Variants in MAP2K5 observed in about 807,000 individuals in gnomAD.
MAP2K5 encodes the protein dual specificity mitogen-activated protein kinase kinase 5.
In MAP2K5, 49 loss-of-function variants were observed where a neutral mutation model predicts 83.1. The ratio of observed to expected loss-of-function variants is 0.59; its 90% CI spans 0.47 to 0.75. The LOEUF (loss-of-function observed/expected upper bound fraction) is 0.75, where lower values mean the gene tolerates loss of function less well. Ranked by LOEUF, MAP2K5 falls within the 30% of genes least tolerant of loss-of-function variation. The pLI, the probability that MAP2K5 is intolerant of heterozygous loss-of-function variation, is 0.00. For missense variants in MAP2K5, 457 were observed against 557.5 expected (o/e 0.82, Z 1.82); for synonymous variants, 202 against 191.8 (o/e 1.05, Z -0.44).
In MAP2K5 at chr15:67,702,900, C is replaced by T. The variant is rs1167618230; in HGVS notation, c.973-437C>T. Among the ~76,000 whole-genome samples, 1 of 152,114 alleles carries T rather than the reference C, an allele frequency of 6.6e-6. No individual in the cohort carries two copies. Among genetic ancestry groups the T allele is most frequent in the Non-Finnish European group, 1.5e-5 (1 of 68,014 alleles). ...AAAAATTAAAAGAAACCCTCCTGTT[C>T]CAGACCAATCTATCAAAATGCAAAT... On this transcript the variant is annotated intron_variant, in intron 15 of 21. Transcript: ENST00000178640. This position sits in a 1 kb window ranked among gnomAD's most constrained non-coding sequence, Gnocchi z 4.6.
chr15:67,588,539 T>TA (rs1329855642), intron 6 of MAP2K5, among the ~76,000 whole-genome samples: 1 of 152,240 alleles, frequency 6.6e-6, no homozygotes, highest in Admixed American at 6.5e-5. Flanking sequence ...GACTGTAGCA[T>TA]ATTCATTGAC....
At chr15:67,575,644 G>T (rs2085039557) in intron 3 of MAP2K5, among the ~76,000 whole-genome samples, 1 of 152,136 alleles carries the variant, frequency 6.6e-6, no homozygotes, top group South Asian at 2.1e-4. Context: ...TACGTTTTAT[G>T]CCCTGAGTGC....
At chr15:67,609,469 AT>A (rs1478446947) in intron 8 of MAP2K5, among the ~76,000 whole-genome samples, 1 of 148,766 alleles carries the variant, frequency 6.7e-6, no homozygotes, top group African/African-American at 2.6e-5. Context: ...AGGTCTATAG[AT>A]TCTGTAGACC....
chr15:67,748,161 C>G lies in MAP2K5; in HGVS notation c.1075-70C>G, dbSNP rs2089644700. On this transcript the variant is annotated intron_variant, in intron 17 of 21. Transcript: ENST00000178640. This position sits in a 1 kb window ranked among gnomAD's most constrained non-coding sequence, Gnocchi z 4.0. Reference sequence around the variant, plus strand: ...CACCAGCAATGCAATAATTTTCTCTCAGTGATCATAATGTGTCCAAGTGAG... The same window carrying G: ...CACCAGCAATGCAATAATTTTCTCTGAGTGATCATAATGTGTCCAAGTGAG... The G allele has an allele frequency of 9.2e-7, 1 of 1,087,154 alleles. No homozygotes were observed. The highest frequency in any genetic ancestry group is 1.6e-5 in the African/African-American group (1 of 64,204). 67.3% of individuals were successfully genotyped at this position (1,087,154 alleles called of 1,614,324 possible). A position where few individuals can be genotyped will look rare whatever the true frequency, so the allele number is the denominator to read the frequency against.
chr15:67,780,386 G>A lies in MAP2K5; in HGVS notation c.1242+7634G>A, dbSNP rs552038919. Among the ~76,000 whole-genome samples, 1 of 152,224 alleles carries A rather than the reference G, an allele frequency of 6.6e-6. No homozygotes were observed. The highest frequency in any genetic ancestry group is 2.1e-4 in the South Asian group (1 of 4,822). On this transcript the variant is annotated intron_variant, in intron 21 of 21. Transcript: ENST00000178640. The surrounding 1 kb of genome is among the most constrained non-coding windows in gnomAD (Gnocchi z 5.0). Reference sequence around the variant, plus strand: ...ACTAGATTGTAAGTTCCTTGAAGGAGGATCATGATCTTATAATTCAGTGCC... The same window carrying A: ...ACTAGATTGTAAGTTCCTTGAAGGAAGATCATGATCTTATAATTCAGTGCC...
intron 21 of MAP2K5, among the ~76,000 whole-genome samples, chr15:67,796,253 A>G (rs998438499): frequency 1.6e-4 from 24 of 151,946 alleles, no homozygotes; most frequent in African/African-American, 5.3e-4. Context: ...TGTCCATTGT[A>G]TTGCAGTAAG....
chr15:67,692,047 C>T (rs2088126919), intron 13 of MAP2K5, among the ~76,000 whole-genome samples: 1 of 152,128 alleles, frequency 6.6e-6, no homozygotes, highest in Non-Finnish European at 1.5e-5. Flanking sequence ...TTGTTGCCTC[C>T]CTTTGGCATT....
At chr15:67,628,957 AT>A in intron 8 of MAP2K5, 1 of 763,572 alleles carries the variant, frequency 1.3e-6, no homozygotes, top group Non-Finnish European at 2.4e-6. Context: ...AGCTACAATG[AT>A]TTTGGCAATT....
chr15:67,624,589 T>TTGTG (rs71142388), intron 8 of MAP2K5, among the ~76,000 whole-genome samples: 51 of 141,798 alleles, frequency 3.6e-4, no homozygotes, highest in African/African-American at 9.7e-4. Context: ...CACGATCTCT[T>TTGTG]TGTGTGTGTG....
intron 2 of MAP2K5, among the ~76,000 whole-genome samples, chr15:67,553,864 G>C (rs2084564618): frequency 8.0e-6 from 1 of 124,664 alleles, no homozygotes; most frequent in Non-Finnish European, 1.6e-5. Flanking sequence ...AGTGAGCCGA[G>C]ATTGCGCCAC....
chr15:67,632,781 A>G (rs1270318036), intron 9 of MAP2K5, among the ~76,000 whole-genome samples: 2 of 152,240 alleles, frequency 1.3e-5, no homozygotes, highest in African/African-American at 4.8e-5. Context: ...AGAATTGCTT[A>G]TACCTTTTAG....
chr15:67,741,107 T>C (rs1169149401), intron 17 of MAP2K5, among the ~76,000 whole-genome samples: 3 of 150,578 alleles, frequency 2.0e-5, no homozygotes, highest in South Asian at 2.1e-4. Flanking sequence ...GTCCAAAACA[T>C]AGTGATCTAA....
At chr15:67,718,360 A>T (rs186691993) in intron 16 of MAP2K5, among the ~76,000 whole-genome samples, 13 of 152,284 alleles carry the variant, frequency 8.5e-5, no homozygotes, top group African/African-American at 3.1e-4. Flanking sequence ...CGTTACACAA[A>T]CTTTTTAAAA....
intron 13 of MAP2K5, among the ~76,000 whole-genome samples, chr15:67,680,441 A>G (rs185395563): frequency 6.6e-6 from 1 of 152,308 alleles, no homozygotes; most frequent in Admixed American, 6.5e-5. Context: ...CCATTGGTAT[A>G]TATTATATGA....
intron 3 of MAP2K5, among the ~76,000 whole-genome samples, chr15:67,567,626 A>C (rs1205646346): frequency 6.6e-6 from 1 of 151,420 alleles, no homozygotes; most frequent in Non-Finnish European, 1.5e-5. Context: ...GGCCTCCCAA[A>C]GTGCTGAGAT....
chr15:67,590,155 G>A (rs1416212576), intron 6 of MAP2K5, among the ~76,000 whole-genome samples: 2 of 152,080 alleles, frequency 1.3e-5, no homozygotes, highest in African/African-American at 2.4e-5. Context: ...ATGAAGACAT[G>A]CTTTATAAAA....
At chr15:67,566,191 T>C (rs574927965) in intron 3 of MAP2K5, among the ~76,000 whole-genome samples, 4 of 152,328 alleles carry the variant, frequency 2.6e-5, no homozygotes, top group Admixed American at 6.5e-5. Flanking sequence ...TGTTTTGTTT[T>C]TGAGATGAAG....
chr15:67,779,180 C>A lies in MAP2K5; in HGVS notation c.1242+6428C>A, dbSNP rs937500985. On this transcript the variant is annotated intron_variant, in intron 21 of 21. Transcript: ENST00000178640. The surrounding 1 kb of genome is among the most constrained non-coding windows in gnomAD (Gnocchi z 4.6). The stretch of plus-strand genomic sequence containing the variant: ...AAAAGTCATCACAACAGCAAGGGGG[C>A]CCCACGTAGGGTCCAGCTGACAACC... Among the ~76,000 whole-genome samples, 2 of 152,106 alleles carry A rather than the reference C, an allele frequency of 1.3e-5. No homozygotes were observed. The highest frequency in any genetic ancestry group is 1.5e-5 in the Non-Finnish European group (1 of 68,028).
intron 8 of MAP2K5, chr15:67,628,294 A>C: frequency 1.9e-6 from 1 of 517,976 alleles, no homozygotes; most frequent in Non-Finnish European, 3.5e-6. Context: ...AGCCTGGCCA[A>C]CATGGTGAAA....
Sources: gnomAD v4.1 joint callset for allele counts (sites outside exome capture counted in the v4.1 genomes callset) on GRCh38, gnomAD v4.1.1 for gene constraint, Gnocchi (gnomAD v3.1) non-coding constraint, MANE v1.5 for transcripts, NCBI Gene and HGNC (gene_info 2026-07-23, HGNC 2026-07-21) for gene names.